Variants in NTRK2 observed in about 807,000 individuals in gnomAD.
NTRK2 encodes the protein neurotrophic receptor tyrosine kinase 2, also known as BDNF/NT-3 growth factors receptor.
NTRK2 carries 13 observed loss-of-function variants against 94.5 expected under a neutral mutation model. The observed-to-expected ratio is 0.14, with a 90% confidence interval of 0.09 to 0.22. The LOEUF is 0.22. NTRK2 is among the 10% of genes least tolerant of loss of function. The pLI is 1.00. For synonymous variants in NTRK2, 372 were observed against 407.4 expected (o/e 0.91, Z 1.05); for missense variants, 639 against 1,071.2 (o/e 0.60, Z 5.63).
At chr9:84,896,084 A>G (rs1021841215) in intron 14 of NTRK2, among the ~76,000 whole-genome samples, 3 of 152,224 alleles carry the variant, frequency 2.0e-5, no homozygotes, top group Non-Finnish European at 4.4e-5. Flanking sequence ...TCTCTGTGAA[A>G]TGAACCTAGG....
rs1832766853 is a variant in NTRK2 at position 85,021,318 on chromosome 9, G to A, written c.2398G>A (p.Glu800Lys). The A allele has an allele frequency of 6.2e-7, 1 of 1,614,042 alleles. No homozygotes were observed. Among genetic ancestry groups the A allele is most frequent in the African/African-American group, 1.3e-5 (1 of 74,912 alleles). ...RPRTCPQEVY[E>K]LMLGCWQREP... ...CCGCACGTGCCCCCAGGAGGTGTAT[G>A]AGCTGATGCTGGGGTGCTGGCAGCG... The change falls in exon 19 of 19, where the codon GAG becomes AAG. Residue 800 changes from glutamate to lysine, a missense_variant. Coordinates refer to ENST00000277120, the MANE Select transcript of NTRK2 (RefSeq NM_006180.6).
intron 17 of NTRK2, among the ~76,000 whole-genome samples, chr9:84,970,691 A>G (rs1238662691): frequency 6.6e-6 from 1 of 152,198 alleles, no homozygotes; most frequent in African/African-American, 2.4e-5. Flanking sequence ...ACTTTACCCA[A>G]GAGCCTTGCT....
chr9:84,752,189 A>C (rs1300776584), intron 12 of NTRK2, 104 bp downstream of exon 12: 1 of 887,640 alleles, frequency 1.1e-6, no homozygotes, highest in African/African-American at 1.7e-5. Context: ...TATGATGATT[A>C]GGTTTTAAGG....
intron 15 of NTRK2, 75 bp downstream of exon 15, chr9:84,934,367 A>G: frequency 3.9e-6 from 6 of 1,547,118 alleles, no homozygotes; most frequent in Non-Finnish European, 5.3e-6. Flanking sequence ...ATTTTATTAT[A>G]TTTTGGTGGC....
intron 17 of NTRK2, among the ~76,000 whole-genome samples, chr9:84,982,798 T>G (rs563938938): frequency 1.3e-5 from 2 of 152,346 alleles, no homozygotes; most frequent in East Asian, 3.9e-4. Context: ...TGCTTTGATT[T>G]AAAAATAATT....
chr9:84,970,339 C>T (rs1246608343), intron 17 of NTRK2, among the ~76,000 whole-genome samples: 1 of 151,690 alleles, frequency 6.6e-6, no homozygotes, highest in Non-Finnish European at 1.5e-5. Context: ...CACACCACTG[C>T]ACTCCAGCCT....
intron 12 of NTRK2, among the ~76,000 whole-genome samples, chr9:84,823,509 T>A (rs774530537): frequency 1.3e-5 from 2 of 152,216 alleles, no homozygotes; most frequent in Non-Finnish European, 2.9e-5. Flanking sequence ...GCAACCAACT[T>A]TATTGAGTAC....
At chr9:84,719,143 A>G (rs2061898137) in intron 6 of NTRK2, among the ~76,000 whole-genome samples, 1 of 152,206 alleles carries the variant, frequency 6.6e-6, no homozygotes, top group African/African-American at 2.4e-5. Context: ...TGAAATGGAT[A>G]TGTACAGCTC....
In NTRK2 at chr9:84,836,681, T is replaced by G. The variant is rs892325428; in HGVS notation, c.1397-24359T>G. On this transcript the variant is annotated intron_variant, in intron 12 of 18. Transcript: ENST00000277120. ...CCTTGGATTTGGGGGATTTGGAAAT[T>G]TTGGAAATGCTCACTATGGTTCATA... Among the ~76,000 whole-genome samples, 22 of 147,684 alleles carry G rather than the reference T, an allele frequency of 1.5e-4. 1 individual carries two copies. The South Asian group carries it at 5.0e-3, about 33-fold the overall frequency.
rs79019325 is a variant in NTRK2 at position 84,733,738 on chromosome 9, T to C, written c.1159+5779T>C. Among the ~76,000 whole-genome samples the C allele has an allele frequency of 9.7e-3, 1,474 of 152,288 alleles. 21 individuals carry two copies. The highest frequency in any genetic ancestry group is 0.034 in the African/African-American group (1,402 of 41,556). On this transcript the variant is annotated intron_variant, in intron 9 of 18. Coordinates refer to ENST00000277120, the MANE Select transcript of NTRK2 (RefSeq NM_006180.6). ...CCCAGGGATGTCCCTGCCTTGATAT[T>C]AGGCAGGACCCAGATGAAGGTATGC...
chr9:84,735,118 T>G (rs1475671162), intron 9 of NTRK2, among the ~76,000 whole-genome samples: 1 of 152,176 alleles, frequency 6.6e-6, no homozygotes, highest in Admixed American at 6.5e-5. Context: ...ATTTTTTTGC[T>G]GAGTGCAGTG....
rs536445167 is a variant in NTRK2 at position 84,675,324 on chromosome 9, C to CTTTTTTTTTTTTTTTTTTTTTTTTT, written c.212+4367_212+4391dup. Among the ~76,000 whole-genome samples the CTTTTTTTTTTTTTTTTTTTTTTTTT allele has an allele frequency of 2.1e-4, 14 of 67,324 alleles. 1 individual carries two copies. The highest frequency in any genetic ancestry group is 3.1e-4 in the Non-Finnish European group (12 of 38,392). The allele number at this position is 67,324 out of a possible 152,430, so 44.2% of individuals were successfully genotyped here. On this transcript the variant is annotated intron_variant, in intron 2 of 18. Coordinates refer to ENST00000277120, the MANE Select transcript of NTRK2 (RefSeq NM_006180.6). ...CTCTTCTCCTTTCTTTCTTTCTTTCCTTTTTTTTTTTTTTTTTTTTTTTTT... is the reference window on the plus strand; with the variant it reads ...CTCTTCTCCTTTCTTTCTTTCTTTCCTTTTTTTTTTTTTTTTTTTTTTTTTTTTTTTTTTTTTTTTTTTTTTTTTT...
At chr9:84,971,697 A>G (rs1364426223) in intron 17 of NTRK2, among the ~76,000 whole-genome samples, 1 of 152,226 alleles carries the variant, frequency 6.6e-6, no homozygotes, top group Non-Finnish European at 1.5e-5. Flanking sequence ...AGCTCTCAGA[A>G]AGAGGTAGGG....
chr9:84,706,623 G>A (rs1302006261), intron 4 of NTRK2, among the ~76,000 whole-genome samples: 6 of 138,410 alleles, frequency 4.3e-5, no homozygotes, highest in Non-Finnish European at 7.6e-5. Context: ...TCTGCCTCCC[G>A]GGTTCATGCC....
intron 12 of NTRK2, among the ~76,000 whole-genome samples, chr9:84,837,327 G>C (rs986812011): frequency 6.6e-6 from 1 of 152,102 alleles, no homozygotes; most frequent in East Asian, 1.9e-4. Context: ...GGGATCAAGA[G>C]CCCACTTGGA....
intron 12 of NTRK2, among the ~76,000 whole-genome samples, chr9:84,774,540 C>T (rs1461835022): frequency 6.6e-6 from 1 of 152,188 alleles, no homozygotes; most frequent in African/African-American, 2.4e-5. Flanking sequence ...CTGATTTCAA[C>T]ACACAGCTCA....
At chr9:84,826,787 T>C (rs1045715795) in intron 12 of NTRK2, among the ~76,000 whole-genome samples, 60 of 152,368 alleles carry the variant, frequency 3.9e-4, no homozygotes, top group African/African-American at 1.4e-3. Context: ...TCTATAGCTA[T>C]TACCACCACT....
chr9:84,721,556 T>C (rs952544467), intron 6 of NTRK2, among the ~76,000 whole-genome samples: 1 of 152,136 alleles, frequency 6.6e-6, no homozygotes, highest in African/African-American at 2.4e-5. Flanking sequence ...ATGTTGAATG[T>C]GGTGGGGGCC....
rs140346286 is a variant in NTRK2, at chr9:84,762,602, G to T, written c.1396+10517G>T. Among the ~76,000 whole-genome samples, 445 of 152,266 alleles carry T rather than the reference G, an allele frequency of 2.9e-3. 5 individuals are homozygous for T. Among genetic ancestry groups the T allele is most frequent in the African/African-American group, 0.01 (431 of 41,558 alleles). On this transcript the variant is annotated intron_variant, in intron 12 of 18. Coordinates refer to ENST00000277120, the MANE Select transcript of NTRK2 (RefSeq NM_006180.6). ...TTTTCCTGTGATGTCATGGCAGAGGGTGGATTAATCAGTAAAATGTCTAGG... is the reference window on the plus strand; with the variant it reads ...TTTTCCTGTGATGTCATGGCAGAGGTTGGATTAATCAGTAAAATGTCTAGG...
Sources: gnomAD v4.1 joint callset for allele counts (sites outside exome capture counted in the v4.1 genomes callset) on GRCh38, gnomAD v4.1.1 for gene constraint, MANE v1.5 for transcripts, NCBI Gene and HGNC (gene_info 2026-07-23, HGNC 2026-07-21) for gene names.